The following MYO6 variants were observed in gnomAD, a reference collection of about 807,000 sequenced individuals.
The protein encoded by MYO6 is myosin VI, also known as unconventional myosin-VI.
MYO6 carries 74 observed loss-of-function variants against 178.7 expected under a neutral mutation model. That is an observed-to-expected ratio of 0.41 (90% CI 0.34 to 0.50). The LOEUF (loss-of-function observed/expected upper bound fraction) is 0.50. MYO6 is among the 20% of genes least tolerant of loss of function. MYO6 has a pLI of 0.09. For synonymous variants in MYO6, 477 were observed against 504.6 expected, an observed-to-expected ratio of 0.95 and a Z score of 0.73; for missense variants, 1,330 against 1,547.4, an observed-to-expected ratio of 0.86 and a Z score of 2.36.
intron 1 of MYO6, among the ~76,000 whole-genome samples, chr6:75,763,643 G>C (rs1338344558): frequency 6.6e-6 from 1 of 152,128 alleles, no homozygotes; most frequent in Non-Finnish European, 1.5e-5. Flanking sequence ...CTTATCTACA[G>C]TAAGAATAAT....
intron 3 of MYO6, 101 bp from the exon 4 acceptor site, chr6:75,828,435 CAATT>C: frequency 1.4e-6 from 1 of 738,754 alleles, no homozygotes; most frequent in Non-Finnish European, 2.4e-6. Flanking sequence ...TGTAACCTAA[CAATT>C]GATTTTTAGG....
At chr6:75,862,881 G>T (rs568511068) in intron 16 of MYO6, among the ~76,000 whole-genome samples, 158 bp downstream of exon 16, 1 of 152,232 alleles carries the variant, frequency 6.6e-6, no homozygotes, top group South Asian at 2.1e-4. Flanking sequence ...TAGATGGATG[G>T]ATATTTATAT....
chr6:75,761,361 A>G (rs1777928278), intron 1 of MYO6, among the ~76,000 whole-genome samples: 1 of 152,192 alleles, frequency 6.6e-6, no homozygotes, highest in Non-Finnish European at 1.5e-5. Context: ...CCATATGACC[A>G]GCTGTCACGA....
chr6:75,873,339 T>C (rs1432556075), intron 20 of MYO6, 39 bp downstream of exon 20: 1 of 1,408,858 alleles, frequency 7.1e-7, no homozygotes, highest in East Asian at 2.3e-5. Flanking sequence ...TTAGTAGTCA[T>C]AGCTCAAATA....
intron 30 of MYO6, among the ~76,000 whole-genome samples, chr6:75,904,058 A>C (rs370888601): frequency 4.6e-5 from 7 of 152,278 alleles, no homozygotes; most frequent in East Asian, 1.9e-4. Flanking sequence ...TATTGGCCCC[A>C]ACTCTCTTCT....
Position 75,917,477 on chromosome 6 carries a change from G to C in MYO6, c.*2465G>C, listed in dbSNP as rs1401873936. On this transcript the variant is annotated 3_prime_UTR_variant, in exon 35 of 35. Coordinates refer to ENST00000369977, the MANE Select transcript of MYO6 (RefSeq NM_004999.4). The stretch of plus-strand genomic sequence containing the variant: ...GAGTTATGGGAACTAATTGAGAAAA[G>C]GAAGTTACTCTAATCCACGTATGTT... The C allele has an allele frequency of 2.0e-5, 3 of 152,386 alleles. No homozygotes were observed. Among genetic ancestry groups the C allele is most frequent in the Non-Finnish European group, 4.4e-5 (3 of 68,038 alleles). The allele number at this position is 152,386 out of a possible 1,614,324, so 9.4% of individuals were successfully genotyped here.
intron 1 of MYO6, among the ~76,000 whole-genome samples, chr6:75,758,459 T>C (rs1453911700): frequency 6.6e-6 from 1 of 151,896 alleles, no homozygotes; most frequent in African/African-American, 2.4e-5. Flanking sequence ...TGTTTCAGCT[T>C]TTTGTTTGTT....
At chr6:75,820,287 A>G (rs1181503799) in intron 2 of MYO6, among the ~76,000 whole-genome samples, 3 of 152,090 alleles carry the variant, frequency 2.0e-5, no homozygotes, top group Non-Finnish European at 4.4e-5. Context: ...AGTCCTTACC[A>G]TACCCCAGGT....
intron 1 of MYO6, among the ~76,000 whole-genome samples, chr6:75,778,963 G>A (rs536837923): frequency 1.4e-5 from 2 of 147,298 alleles, no homozygotes; most frequent in Non-Finnish European, 3.0e-5. Context: ...AGGCCGAAAT[G>A]GGAAGATTGC....
chr6:75,837,207 T>A (rs1773728765), intron 7 of MYO6, among the ~76,000 whole-genome samples: 1 of 152,234 alleles, frequency 6.6e-6, no homozygotes, highest in South Asian at 2.1e-4. Flanking sequence ...TTATCTCATT[T>A]GTTTAAAAAT....
chr6:75,852,313 A>C lies in MYO6; in HGVS notation c.1079-2826A>C, dbSNP rs1333503086. The stretch of plus-strand genomic sequence containing the variant: ...AGAATGAAACATTCAAAATATTCTC[A>C]AAGTATCTCTCTTTTTTCTTTTTTT... On this transcript the variant is annotated intron_variant, in intron 11 of 34. Coordinates refer to ENST00000369977, the MANE Select transcript of MYO6 (RefSeq NM_004999.4). Among the ~76,000 whole-genome samples, 6 of 152,202 alleles carry C rather than the reference A, an allele frequency of 3.9e-5. No homozygotes were observed. The East Asian group carries it at 1.2e-3, about 29-fold the overall frequency.
chr6:75,865,381 T>TTTTTG (rs1776570233), intron 16 of MYO6: 2 of 145,094 alleles, frequency 1.4e-5, no homozygotes, highest in Non-Finnish European at 1.5e-5. Flanking sequence ...TTTTTTTTTT[T>TTTTTG]GAGACAGGGT....
intron 1 of MYO6, among the ~76,000 whole-genome samples, chr6:75,781,533 G>A (rs1242313174): frequency 6.6e-6 from 1 of 152,162 alleles, no homozygotes; most frequent in Non-Finnish European, 1.5e-5. Flanking sequence ...TTGACACGTT[G>A]ATCTCTGCTG....
intron 2 of MYO6, among the ~76,000 whole-genome samples, chr6:75,818,795 G>A (rs1459671543): frequency 1.3e-5 from 2 of 151,984 alleles, no homozygotes; most frequent in Non-Finnish European, 2.9e-5. Flanking sequence ...CCTCAGGACA[G>A]GAAAGACAAA....
intron 30 of MYO6, among the ~76,000 whole-genome samples, chr6:75,904,986 G>T (rs1008800908): frequency 2.0e-5 from 3 of 152,178 alleles, no homozygotes; most frequent in African/African-American, 4.8e-5. Context: ...GTACCCGGCC[G>T]TGTGAGGTGT....
rs75600129 is a variant in MYO6 at position 75,801,281 on chromosome 6, G to A, written c.-47-16220G>A. Among the ~76,000 whole-genome samples, 815 of 151,840 alleles carry A rather than the reference G, an allele frequency of 5.4e-3. 6 individuals carry two copies. Among genetic ancestry groups the A allele is most frequent in the African/African-American group, 0.018 (737 of 41,484 alleles). On this transcript the variant is annotated intron_variant, in intron 1 of 34. Transcript: ENST00000369977. ...TCTTCACAAGGTGCTTCACAGAAAA[G>A]AGGAGGGAGAAAGAGAAGAGCGGGG...
intron 1 of MYO6, among the ~76,000 whole-genome samples, chr6:75,781,523 T>C (rs1766976228): frequency 6.6e-6 from 1 of 152,008 alleles, no homozygotes; most frequent in Admixed American, 6.6e-5. Flanking sequence ...CAGCATGGAG[T>C]TGACACGTTG....
At chr6:75,894,846 A>G in intron 28 of MYO6, 2 of 1,498,656 alleles carry the variant, frequency 1.3e-6, no homozygotes, top group Non-Finnish European at 1.8e-6. Flanking sequence ...TCTAAGTAAG[A>G]ATTGTTTTCT....
At chr6:75,877,960 CTTGTTTAT>C (rs1283505270) in intron 20 of MYO6, among the ~76,000 whole-genome samples, 2 of 152,132 alleles carry the variant, frequency 1.3e-5, no homozygotes, top group African/African-American at 4.8e-5. Context: ...TCCAAAGGTA[CTTGTTTAT>C]TTGATACAAG....
Sources: allele counts gnomAD v4.1 joint callset (sites outside exome capture counted in the v4.1 genomes callset), GRCh38; gene constraint gnomAD v4.1.1; transcripts MANE v1.5; gene names NCBI Gene and HGNC (gene_info 2026-07-23, HGNC 2026-07-21).